The following ZNF112 variants were observed in gnomAD, a reference collection of about 807,000 sequenced individuals.
The protein encoded by ZNF112 is zinc finger protein 112 (Y14).
Under a neutral mutation model 77.7 loss-of-function variants are expected in ZNF112, and 37 were observed. The observed-to-expected ratio is 0.48, with a 90% confidence interval of 0.37 to 0.63. The LOEUF (loss-of-function observed/expected upper bound fraction) is 0.63. Ranked by LOEUF, ZNF112 falls within the 20% of genes least tolerant of loss-of-function variation. The probability of loss-of-function intolerance (pLI) is 0.00; values close to 1 mark genes in which losing one functional copy is unlikely to be tolerated. For synonymous variants in ZNF112, 333 were observed against 363.6 expected, an observed-to-expected ratio of 0.92 and a Z score of 0.96; for missense variants, 950 against 1,077.4, an observed-to-expected ratio of 0.88 and a Z score of 1.66.
Position 44,328,520 on chromosome 19 carries a change from G to A in ZNF112, c.1637C>T (p.Pro546Leu). Reference protein sequence around the residue: ...VHQRVHTGEKPYKCEECDKGF... With the variant: ...VHQRVHTGEKLYKCEECDKGF... ...CTTATCACATTCCTCGCATTTATAA[G>A]GTTTCTCTCCTGTGTGGACTCTCTG... The change falls in exon 4 of 4, where the codon CCT becomes CTT. Residue 546 changes from proline to leucine, a missense_variant. This residue lies in a region of ZNF112 where 373 missense variants were observed against 482.8 expected (regional missense o/e 0.77). Coordinates refer to ENST00000354340, the MANE Select transcript of ZNF112 (RefSeq NM_013380.4). The A allele has an allele frequency of 1.9e-6, 3 of 1,597,410 alleles. No individual in the cohort carries two copies. Among genetic ancestry groups the A allele is most frequent in the Non-Finnish European group, 2.6e-6 (3 of 1,168,674 alleles).
chr19:44,354,551 A>G (rs537441147), intron 1 of ZNF112, among the ~76,000 whole-genome samples: 2 of 152,240 alleles, frequency 1.3e-5, no homozygotes, highest in East Asian at 1.9e-4. Flanking sequence ...TATATAACCT[A>G]CCAATATTAA....
chr19:44,343,697 A>C (rs1970534690), intron 1 of ZNF112, among the ~76,000 whole-genome samples: 1 of 152,190 alleles, frequency 6.6e-6, no homozygotes, highest in Non-Finnish European at 1.5e-5. Context: ...GAACCTTTCT[A>C]ATGTTTCAGT....
chr19:44,362,102 C>T (rs1465705549), intron 1 of ZNF112, among the ~76,000 whole-genome samples: 1 of 151,736 alleles, frequency 6.6e-6, no homozygotes, highest in East Asian at 1.9e-4. Flanking sequence ...ATCTTATAAG[C>T]TAATGAGAAA....
At chr19:44,353,729 G>A (rs1163638538) in intron 1 of ZNF112, among the ~76,000 whole-genome samples, 4 of 151,946 alleles carry the variant, frequency 2.6e-5, no homozygotes, top group South Asian at 2.1e-4. Context: ...AAAAAATAAG[G>A]AAAATACTAA....
At chr19:44,339,447 G>T (rs1970448461) in intron 2 of ZNF112, among the ~76,000 whole-genome samples, 1 of 152,194 alleles carries the variant, frequency 6.6e-6, no homozygotes. Context: ...ATCATATCTA[G>T]GTAACTAAGC....
At position 44,329,204 on chromosome 19, in the gene ZNF112, ACTCT is replaced by A; in HGVS notation, c.949_952del (p.Arg317CysfsTer49). The A allele has an allele frequency of 6.2e-7, 1 of 1,613,736 alleles. No individual in the cohort carries two copies. The highest frequency in any genetic ancestry group is 8.5e-7 in the Non-Finnish European group (1 of 1,179,966). On this transcript the variant is annotated frameshift_variant, in exon 4 of 4. Transcript: ENST00000354340. LOFTEE classifies it high-confidence loss of function. ...TTTGCATGGTTTCTCCTCTGTATGC[ACTCT>A]CTGATAGGATTTCAGATGTGAATTC...
At chr19:44,359,530 G>A (rs1013268367), upstream of ZNF112, among the ~76,000 whole-genome samples, 1 of 151,618 alleles carries the variant, frequency 6.6e-6, no homozygotes, top group Non-Finnish European at 1.5e-5. Flanking sequence ...CACCACATTG[G>A]CCAGGCTGGT....
In ZNF112 at chr19:44,329,448, C is replaced by A. The variant is rs146200150; in HGVS notation, c.709G>T (p.Val237Leu). 5.3e-5 allele frequency: 85 copies of A among 1,614,030 alleles called. No individual in the cohort carries two copies. The African/African-American group carries it at 6.8e-4, about 13-fold the overall frequency. ...ATTGACTCCTGATTAAGTAATGATA[C>A]CTTCATGATATCTTCTCCACAGTCA... The part of the protein sequence containing the change: ...CHDCGEDIMK[V>L]SLLNQESIQT... The change falls in exon 4 of 4, where the codon GTA becomes TTA. Residue 237 changes from valine to leucine, a missense_variant. By Grantham distance (32) the Val-to-Leu change is conservative (BLOSUM62 1). Coordinates refer to ENST00000354340, the MANE Select transcript of ZNF112 (RefSeq NM_013380.4).
In ZNF112 at chr19:44,329,775, G is replaced by T; in HGVS notation, c.382C>A (p.Gln128Lys). Residue 128 changes from glutamine (Q) to lysine (K), a missense_variant, in exon 4 of 4, where the codon CAA becomes AAA. By Grantham distance (53) the Gln-to-Lys change is moderately conservative (BLOSUM62 1). This residue lies in a region of ZNF112 where 560 missense variants were observed against 557.3 expected (regional missense o/e 1.00). Transcript: ENST00000354340. ...TGGCCGAGGGAATTACCTTGTTCTTGCAACTGAGAATTCTTCCCTTGAAAA... is the reference window on the plus strand; with the variant it reads ...TGGCCGAGGGAATTACCTTGTTCTTTCAACTGAGAATTCTTCCCTTGAAAA... Reference protein sequence around the residue: ...KVFQGKNSQLQEQGNSLGQVW... With the variant: ...KVFQGKNSQLKEQGNSLGQVW... 6.2e-7 allele frequency: 1 copy of T among 1,613,998 alleles called. No homozygotes were observed. Among genetic ancestry groups the T allele is most frequent in the Non-Finnish European group, 8.5e-7 (1 of 1,180,000 alleles).
At chr19:44,345,114 C>A (rs1339693155) in intron 1 of ZNF112, among the ~76,000 whole-genome samples, 1 of 152,140 alleles carries the variant, frequency 6.6e-6, no homozygotes, top group Non-Finnish European at 1.5e-5. Flanking sequence ...TTAAAAAAAA[C>A]CAATGCCCAG....
At chr19:44,356,155 G>A (rs868603548) in intron 1 of ZNF112, among the ~76,000 whole-genome samples, 9 of 152,184 alleles carry the variant, frequency 5.9e-5, no homozygotes, top group African/African-American at 2.2e-4. Flanking sequence ...TCAGGGAACT[G>A]AGTCCTTCTC....
chr19:44,359,108 C>T (rs1266579875), upstream of ZNF112, among the ~76,000 whole-genome samples: 1 of 152,096 alleles, frequency 6.6e-6, no homozygotes. Context: ...CACTGCAGGG[C>T]CCTGCTTTTG....
rs568166515 is a variant in ZNF112 at position 44,348,380 on chromosome 19, T to C, written c.-3-7838A>G. 4.6e-5 allele frequency among the ~76,000 whole-genome samples: 7 copies of C among 152,240 alleles called. No individual in the cohort carries two copies. In the East Asian group the frequency reaches 9.6e-4, roughly 21 times the overall value. ...GCTCTGCTCATTTATTTTTCAATTT[T>C]TTTTCTCTCTGTTGCTCAAATTGCA... On this transcript the variant is annotated intron_variant, in intron 1 of 3. Coordinates refer to ENST00000354340, the MANE Select transcript of ZNF112 (RefSeq NM_013380.4).
At chr19:44,330,240 G>T (rs182888235) in intron 3 of ZNF112, among the ~76,000 whole-genome samples, 31 of 152,154 alleles carry the variant, frequency 2.0e-4, no homozygotes, top group Middle Eastern at 3.4e-3. Flanking sequence ...ATGCTCAACT[G>T]GTAAGTATAA....
intron 1 of ZNF112, among the ~76,000 whole-genome samples, chr19:44,366,810 A>T (rs958112939): frequency 5.3e-5 from 8 of 152,068 alleles, no homozygotes; most frequent in African/African-American, 1.9e-4. Context: ...AAAAAAAAAA[A>T]TTAATAAAAT....
chr19:44,362,328 T>C (rs1254181685), intron 1 of ZNF112, among the ~76,000 whole-genome samples: 1 of 151,948 alleles, frequency 6.6e-6, no homozygotes, highest in African/African-American at 2.4e-5. Context: ...CTTGCAGACA[T>C]TGAGAAATTT....
chr19:44,348,361 C>T (rs1970633574), intron 1 of ZNF112, among the ~76,000 whole-genome samples: 1 of 152,020 alleles, frequency 6.6e-6, no homozygotes, highest in South Asian at 2.1e-4. Context: ...GAAGGCTCTG[C>T]TCATTTATTT....
At position 44,327,374 on chromosome 19, in the gene ZNF112, T is replaced by G; in HGVS notation, c.*59A>C. 7.2e-7 allele frequency: 1 copy of G among 1,387,494 alleles called. No homozygotes were observed. Among genetic ancestry groups the G allele is most frequent in the Non-Finnish European group, 9.7e-7 (1 of 1,031,988 alleles). 85.9% of individuals were successfully genotyped at this position (1,387,494 alleles called of 1,614,324 possible). On this transcript the variant is annotated 3_prime_UTR_variant, in exon 4 of 4. Transcript: ENST00000354340. The stretch of plus-strand genomic sequence containing the variant: ...AACATTACATTTTAATTTTTAAAAA[T>G]TCTTTTTCTACTGAAAGAACTCTAG...
intron 1 of ZNF112, among the ~76,000 whole-genome samples, chr19:44,348,012 T>C (rs1314986611): frequency 2.6e-5 from 4 of 152,184 alleles, no homozygotes; most frequent in Non-Finnish European, 5.9e-5. Flanking sequence ...TTAAAGATGT[T>C]TTTCCAATGT....
Sources: allele counts gnomAD v4.1 joint callset (sites outside exome capture counted in the v4.1 genomes callset), GRCh38; gene constraint gnomAD v4.1.1; regional missense constraint gnomAD v4.1.1; transcripts MANE v1.5; gene names NCBI Gene and HGNC (gene_info 2026-07-23, HGNC 2026-07-21).